The following VPS13D variants were observed in gnomAD, a reference collection of about 807,000 sequenced individuals.
The protein encoded by VPS13D is intermembrane lipid transfer protein VPS13D.
Under a neutral mutation model 461.9 loss-of-function variants are expected in VPS13D, and 187 were observed. That is an observed-to-expected ratio of 0.40 (90% CI 0.36 to 0.46). The LOEUF (loss-of-function observed/expected upper bound fraction) is 0.46, where lower values mean the gene tolerates loss of function less well. VPS13D is among the 20% of genes least tolerant of loss of function. The pLI is 0.60. For synonymous variants in VPS13D, 1,951 were observed against 1,986.3 expected (o/e 0.98, Z 0.47); for missense variants, 4,711 against 5,364.9 (o/e 0.88, Z 3.81).
chr1:12,284,628 G>A (rs901836640), intron 21 of VPS13D, among the ~76,000 whole-genome samples: 1 of 152,202 alleles, frequency 6.6e-6, no homozygotes, highest in African/African-American at 2.4e-5. Context: ...CCCCGGCCGT[G>A]GCTGGTAACA....
intron 67 of VPS13D, among the ~76,000 whole-genome samples, chr1:12,463,444 A>G (rs967979311): frequency 1.3e-5 from 2 of 152,170 alleles, no homozygotes; most frequent in Non-Finnish European, 2.9e-5. Context: ...ATTCATGAGG[A>G]GCTATGCGTT....
intron 41 of VPS13D, 63 bp from the exon 42 acceptor site, chr1:12,342,836 G>A (rs1379474829): frequency 1.3e-5 from 20 of 1,534,264 alleles, no homozygotes; most frequent in Non-Finnish European, 1.7e-5. Flanking sequence ...TCTGCACGGG[G>A]CTCCTGTGAG....
rs1646171351 is a variant in VPS13D at position 12,510,627 on chromosome 1, CA to C, written c.*1604del. 6.6e-6 allele frequency: 1 copy of C among 152,204 alleles called. No individual in the cohort carries two copies. Among genetic ancestry groups the C allele is most frequent in the Non-Finnish European group, 1.5e-5 (1 of 68,076 alleles). 9.4% of individuals were successfully genotyped at this position (152,204 alleles called of 1,614,324 possible). On this transcript the variant is annotated 3_prime_UTR_variant, in exon 70 of 70. Coordinates refer to ENST00000620676, the MANE Select transcript of VPS13D (RefSeq NM_015378.4). ...AAGTAGCTACATAGTGTTCAAGGAT[CA>C]GCTTTCTTGAACTCCGAGGCTTGGT...
intron 65 of VPS13D, among the ~76,000 whole-genome samples, chr1:12,443,273 AT>A (rs1461129409): frequency 1.3e-5 from 2 of 152,202 alleles, no homozygotes; most frequent in Non-Finnish European, 2.9e-5. Context: ...TTACTGTGAC[AT>A]TTTTGAGATT....
intron 67 of VPS13D, among the ~76,000 whole-genome samples, chr1:12,465,820 T>TC (rs2100432259): frequency 6.6e-6 from 1 of 152,218 alleles, no homozygotes; most frequent in Non-Finnish European, 1.5e-5. Context: ...CTGAATGCAG[T>TC]CAGGTTGGAC....
At chr1:12,286,287 A>G (rs1641975038) in intron 21 of VPS13D, among the ~76,000 whole-genome samples, 1 of 152,152 alleles carries the variant, frequency 6.6e-6, no homozygotes, top group Non-Finnish European at 1.5e-5. Context: ...CATGTTGCCC[A>G]GGCTGGTCTC....
intron 65 of VPS13D, among the ~76,000 whole-genome samples, chr1:12,444,746 G>T (rs1645172565): frequency 6.6e-6 from 1 of 152,120 alleles, no homozygotes; most frequent in Non-Finnish European, 1.5e-5. Context: ...TACCAGTGAT[G>T]AATCTTGTAT....
At chr1:12,314,380 G>C in intron 30 of VPS13D, 53 bp downstream of exon 30, 1 of 1,568,126 alleles carries the variant, frequency 6.4e-7, no homozygotes, top group South Asian at 1.1e-5. Flanking sequence ...TTCCCTTTTG[G>C]GTCACGTCTT....
At chr1:12,293,186 G>A (rs1483230358) in intron 23 of VPS13D, among the ~76,000 whole-genome samples, 1 of 152,048 alleles carries the variant, frequency 6.6e-6, no homozygotes. Context: ...TATTTTTATT[G>A]TTTTTCACAC....
chr1:12,501,177 C>T (rs1019664607), intron 68 of VPS13D, among the ~76,000 whole-genome samples: 1 of 151,974 alleles, frequency 6.6e-6, no homozygotes, highest in Non-Finnish European at 1.5e-5. Flanking sequence ...TATCTTGTCT[C>T]CTTGAGAAAT....
At chr1:12,418,230 T>C (rs1216176190) in intron 65 of VPS13D, among the ~76,000 whole-genome samples, 1 of 152,194 alleles carries the variant, frequency 6.6e-6, no homozygotes, top group East Asian at 1.9e-4. Flanking sequence ...TTAGAGAGAC[T>C]TTCCCACTCA....
intron 68 of VPS13D, among the ~76,000 whole-genome samples, chr1:12,499,181 G>A (rs955624443): frequency 2.6e-5 from 4 of 152,062 alleles, no homozygotes; most frequent in Non-Finnish European, 5.9e-5. Flanking sequence ...AGGATGTGGT[G>A]CAGAGTCTAC....
chr1:12,396,940 T>C (rs1644507128), intron 60 of VPS13D, among the ~76,000 whole-genome samples: 1 of 152,202 alleles, frequency 6.6e-6, no homozygotes, highest in Non-Finnish European at 1.5e-5. Flanking sequence ...TGTTTATTTG[T>C]TTGTTTATTT....
chr1:12,411,762 C>T (rs939486694), intron 63 of VPS13D, among the ~76,000 whole-genome samples: 8 of 152,156 alleles, frequency 5.3e-5, no homozygotes, highest in African/African-American at 1.4e-4. Flanking sequence ...GGCAGTTAAA[C>T]GCGATTAAAT....
intron 65 of VPS13D, among the ~76,000 whole-genome samples, chr1:12,450,852 G>A (rs942851075): frequency 2.6e-5 from 4 of 152,162 alleles, no homozygotes; most frequent in African/African-American, 4.8e-5. Context: ...ATCACACTAC[G>A]GAGTCCTGCC....
chr1:12,484,541 GGCTTTGCCAGGCATA>G (rs1454910096), intron 67 of VPS13D, among the ~76,000 whole-genome samples: 1 of 152,204 alleles, frequency 6.6e-6, no homozygotes, highest in Admixed American at 6.5e-5. Context: ...GATCTAGTTT[GGCTTTGCCAGGCATA>G]GCTTCCTCAT....
chr1:12,351,800 C>T (rs1449577362), intron 46 of VPS13D, among the ~76,000 whole-genome samples: 1 of 150,724 alleles, frequency 6.6e-6, no homozygotes, highest in Non-Finnish European at 1.5e-5. Context: ...CCATGTTGGC[C>T]AGGCTGGTCT....
intron 65 of VPS13D, among the ~76,000 whole-genome samples, chr1:12,448,887 A>AG (rs1645226951): frequency 6.6e-6 from 1 of 152,144 alleles, no homozygotes; most frequent in Non-Finnish European, 1.5e-5. Flanking sequence ...GAGTTGCAGA[A>AG]TAGCAAGAGA....
rs142258727 is a variant in VPS13D at position 12,231,836 on chromosome 1, A to T, written c.-77+1716A>T. ...AACCCTGTCTCTACCAAAAATACAA[A>T]ACTTAGCCGGGGATGGTGGCAGGTG... On this transcript the variant is annotated intron_variant, in intron 1 of 69. Coordinates refer to ENST00000620676, the MANE Select transcript of VPS13D (RefSeq NM_015378.4). 1.9e-4 allele frequency among the ~76,000 whole-genome samples: 29 copies of T among 152,196 alleles called. No individual in the cohort carries two copies. The East Asian group carries it at 5.2e-3, about 27-fold the overall frequency.
Sources: gnomAD v4.1 joint callset for allele counts (sites outside exome capture counted in the v4.1 genomes callset) on GRCh38, gnomAD v4.1.1 for gene constraint, MANE v1.5 for transcripts, NCBI Gene and HGNC (gene_info 2026-07-23, HGNC 2026-07-21) for gene names.